Variants in MIS18BP1 observed in about 807,000 individuals in gnomAD.
MIS18BP1 encodes the protein MIS18 binding protein 1, also known as mis18-binding protein 1.
Under a neutral mutation model 116.1 loss-of-function variants are expected in MIS18BP1, and 72 were observed. The observed-to-expected ratio is 0.62, with a 90% confidence interval of 0.51 to 0.75. The LOEUF (loss-of-function observed/expected upper bound fraction) is 0.75. Among genes scored for constraint, MIS18BP1 ranks in the 30% least tolerant of loss-of-function variants. The pLI, the probability that MIS18BP1 is intolerant of heterozygous loss-of-function variation, is 0.00. For missense variants in MIS18BP1, 1,363 were observed against 1,303.2 expected (o/e 1.05, Z -0.71); for synonymous variants, 386 against 427.0 (o/e 0.90, Z 1.18).
chr14:45,227,177 A>G (rs1891144428), intron 9 of MIS18BP1, among the ~76,000 whole-genome samples: 1 of 152,118 alleles, frequency 6.6e-6, no homozygotes, highest in South Asian at 2.1e-4. Flanking sequence ...ATATCAAGAC[A>G]TTCAGTCCCC....
At chr14:45,226,900 T>C (rs1393800838) in intron 9 of MIS18BP1, 64 bp from the exon 10 acceptor site, 19 of 1,211,054 alleles carry the variant, frequency 1.6e-5, no homozygotes, top group Non-Finnish European at 2.0e-5. Flanking sequence ...ATCTGAAGCA[T>C]TTTCATAGTA....
At chr14:45,233,461 A>G (rs1020993619) in intron 6 of MIS18BP1, among the ~76,000 whole-genome samples, 3 of 152,190 alleles carry the variant, frequency 2.0e-5, no homozygotes, top group African/African-American at 7.2e-5. Context: ...GAGGAGCTAC[A>G]GGATCTAATT....
chr14:45,238,554 GGA>G (rs1891488157), intron 4 of MIS18BP1, among the ~76,000 whole-genome samples: 1 of 152,190 alleles, frequency 6.6e-6, no homozygotes, highest in South Asian at 2.1e-4. Context: ...TGATGGCTGA[GGA>G]CAGTTGCTTA....
chr14:45,234,072 A>G lies in MIS18BP1; in HGVS notation c.1349-1252T>C, dbSNP rs556187860. ...GGCAGTCAGGCAGCATAAAAATTGG[A>G]ATATGGTATTAGAGAAGCTAAGTAA... On this transcript the variant is annotated intron_variant, in intron 6 of 16. Transcript: ENST00000310806. Among the ~76,000 whole-genome samples the G allele has an allele frequency of 2.6e-5, 4 of 152,276 alleles. No homozygotes were observed. In the East Asian group the frequency reaches 7.7e-4, roughly 29 times the overall value.
In MIS18BP1 at chr14:45,242,161, G is replaced by A. The variant is rs1299695558; in HGVS notation, c.1016C>T (p.Thr339Ile). 6.2e-6 allele frequency: 10 copies of A among 1,614,024 alleles called. No individual in the cohort carries two copies. The highest frequency in any genetic ancestry group is 8.5e-6 in the Non-Finnish European group (10 of 1,179,986). Residue 339 changes from threonine to isoleucine, a missense_variant, in exon 4 of 17, where the codon ACA becomes ATA. Thr to Ile is a moderately conservative substitution (Grantham distance 89). Transcript: ENST00000310806. ...ETGLPGSMKD[T>I]CKIVLATPRL... The stretch of plus-strand genomic sequence containing the variant: ...TGGTGTTGCAAGTACAATTTTACAT[G>A]TATCTTTCATGGAACCTGGAAGACC...
chr14:45,250,814 A>T (rs762029660), intron 1 of MIS18BP1, among the ~76,000 whole-genome samples: 24 of 152,090 alleles, frequency 1.6e-4, no homozygotes, highest in Non-Finnish European at 2.5e-4. Context: ...AATGACGGCG[A>T]ATCACGAGGT....
At chr14:45,227,572 T>C (rs1233537648) in intron 9 of MIS18BP1, 91 bp downstream of exon 9, 13 of 872,718 alleles carry the variant, frequency 1.5e-5, no homozygotes, top group Non-Finnish European at 2.0e-5. Context: ...AAAACAGAAC[T>C]CACGTCCCTG....
intron 1 of MIS18BP1, among the ~76,000 whole-genome samples, chr14:45,249,750 A>C (rs1283983732): frequency 1.3e-5 from 2 of 152,150 alleles, no homozygotes; most frequent in African/African-American, 4.8e-5. Context: ...ACATGCCTGT[A>C]GTCCCAGCTA....
In MIS18BP1 at chr14:45,247,116, GTCAT is replaced by G; in HGVS notation, c.167_170del (p.Asn56ThrfsTer8). On this transcript the variant is annotated frameshift_variant, in exon 2 of 17. Coordinates refer to ENST00000310806, the MANE Select transcript of MIS18BP1 (RefSeq NM_018353.5). LOFTEE classifies it high-confidence loss of function. ...TTTTTAGGAACTGATTCTTTTTATG[GTCAT>G]TCAATTTTAAGGAGGAGTTCTGATA... 1 of 1,612,586 alleles carries G rather than the reference GTCAT, an allele frequency of 6.2e-7. No homozygotes were observed. Among genetic ancestry groups the G allele is most frequent in the Non-Finnish European group, 8.5e-7 (1 of 1,179,826 alleles).
chr14:45,212,755 A>G (rs1207650440), intron 13 of MIS18BP1, among the ~76,000 whole-genome samples: 2 of 152,168 alleles, frequency 1.3e-5, no homozygotes, highest in African/African-American at 4.8e-5. Flanking sequence ...AATCCAGTAA[A>G]CACACTGTAA....
intron 14 of MIS18BP1, among the ~76,000 whole-genome samples, chr14:45,209,689 G>C (rs758308072): frequency 2.6e-5 from 4 of 152,018 alleles, no homozygotes; most frequent in African/African-American, 7.2e-5. Flanking sequence ...AGATTTTTGA[G>C]GTACTGCCAT....
At position 45,204,056 on chromosome 14, in the gene MIS18BP1, A is replaced by G; in HGVS notation, c.*53T>C. 6.3e-7 allele frequency: 1 copy of G among 1,576,582 alleles called. No individual in the cohort carries two copies. Among genetic ancestry groups the G allele is most frequent in the East Asian group, 2.3e-5 (1 of 43,978 alleles). On this transcript the variant is annotated 3_prime_UTR_variant, in exon 17 of 17. Transcript: ENST00000310806. The stretch of plus-strand genomic sequence containing the variant: ...ATACATGTACTCCAGTTGAAAATAC[A>G]AACACTGTCTGCTTTATGGTAAAAA...
intron 13 of MIS18BP1, among the ~76,000 whole-genome samples, chr14:45,212,623 A>T (rs551710911): frequency 1.3e-5 from 2 of 152,348 alleles, no homozygotes; most frequent in African/African-American, 4.8e-5. Context: ...AAGATCTCAG[A>T]AACTGGGCAA....
At chr14:45,252,091 G>A (rs1160998649) in intron 1 of MIS18BP1, among the ~76,000 whole-genome samples, 3 of 149,426 alleles carry the variant, frequency 2.0e-5, no homozygotes. Context: ...AGGTGGTTAA[G>A]TAAGCTGCCC....
At chr14:45,214,855 G>A (rs1231143180) in intron 13 of MIS18BP1, among the ~76,000 whole-genome samples, 3 of 152,138 alleles carry the variant, frequency 2.0e-5, no homozygotes, top group African/African-American at 7.2e-5. Context: ...GGGTTCAAGC[G>A]ATTATCTCAC....
rs1594516976 is a variant in MIS18BP1 at position 45,231,519 on chromosome 14, A to C, written c.1437-221T>G. ...GTCAGAGGACTCAAATATGATCTCC[A>C]AACTGCTTCCTACTATATGCTCTTA... On this transcript the variant is annotated intron_variant, in intron 7 of 16. Transcript: ENST00000310806. The C allele has an allele frequency of 1.2e-5, 5 of 412,338 alleles. No individual in the cohort carries two copies. In the East Asian group the frequency reaches 1.5e-4, roughly 12 times the overall value. The allele number at this position is 412,338 out of a possible 1,614,324, so 25.5% of individuals were successfully genotyped here. A position where few individuals can be genotyped will look rare whatever the true frequency, so the allele number is the denominator to read the frequency against.
At chr14:45,229,846 T>C (rs1345647201) in intron 8 of MIS18BP1, among the ~76,000 whole-genome samples, 2 of 152,160 alleles carry the variant, frequency 1.3e-5, no homozygotes, top group African/African-American at 2.4e-5. Context: ...GCAATAAAAA[T>C]AGGCAATATG....
At chr14:45,227,906 G>GCCACCACACC in intron 8 of MIS18BP1, 92 bp from the exon 9 acceptor site, 2 of 1,302,770 alleles carry the variant, frequency 1.5e-6, no homozygotes, top group Non-Finnish European at 1.1e-6. Context: ...GCTAGGTGTG[G>GCCACCACACC]TGGCTCACGC....
In MIS18BP1 at chr14:45,204,623, T is replaced by C. The variant is rs553198366; in HGVS notation, c.3241-170A>G. Among the ~76,000 whole-genome samples, 51 of 152,234 alleles carry C rather than the reference T, an allele frequency of 3.4e-4. No individual in the cohort carries two copies. In the South Asian group the frequency reaches 9.7e-3, roughly 29 times the overall value. ...AATGCATAATTCTCTTTTGGGTTTA[T>C]CCAGGGCAAGAACCATGACTTACTC... On this transcript the variant is annotated intron_variant, in intron 15 of 16. Transcript: ENST00000310806.
Sources: allele counts gnomAD v4.1 joint callset (sites outside exome capture counted in the v4.1 genomes callset), GRCh38; gene constraint gnomAD v4.1.1; transcripts MANE v1.5; gene names NCBI Gene and HGNC (gene_info 2026-07-23, HGNC 2026-07-21).